Variants in SLC8A1 observed in about 807,000 individuals in gnomAD.
The protein encoded by SLC8A1 is solute carrier family 8 member A1, also known as sodium/calcium exchanger 1.
In SLC8A1, 18 loss-of-function variants were observed where a neutral mutation model predicts 68.3. That is an observed-to-expected ratio of 0.26 (90% CI 0.18 to 0.39). The LOEUF (loss-of-function observed/expected upper bound fraction) is 0.39, where lower values mean the gene tolerates loss of function less well. Among genes scored for constraint, SLC8A1 ranks in the 10% least tolerant of loss-of-function variants. The pLI, the probability that SLC8A1 is intolerant of heterozygous loss-of-function variation, is 1.00. For synonymous variants in SLC8A1, 475 were observed against 415.5 expected (o/e 1.14, Z -1.74); for missense variants, 985 against 1,156.7 (o/e 0.85, Z 2.15).
At chr2:40,140,350 A>G (rs1323852187) in intron 6 of SLC8A1, among the ~76,000 whole-genome samples, 2 of 152,034 alleles carry the variant, frequency 1.3e-5, no homozygotes, top group Non-Finnish European at 2.9e-5. Flanking sequence ...TAATCGCTCC[A>G]CCCTTATCCT....
chr2:40,121,583 C>T (rs1044034654), intron 7 of SLC8A1, among the ~76,000 whole-genome samples: 1 of 152,050 alleles, frequency 6.6e-6, no homozygotes, highest in East Asian at 1.9e-4. Context: ...GGGGGAATTA[C>T]CTAAATTGAT....
chr2:40,274,024 G>A (rs1404860949), intron 2 of SLC8A1, among the ~76,000 whole-genome samples: 2 of 151,662 alleles, frequency 1.3e-5, no homozygotes, highest in Non-Finnish European at 2.9e-5. Context: ...AGCCCCAGCT[G>A]CAGCCTGTCT....
chr2:40,410,279 C>T (rs535826319), intron 2 of SLC8A1, among the ~76,000 whole-genome samples: 1 of 152,114 alleles, frequency 6.6e-6, no homozygotes, highest in Non-Finnish European at 1.5e-5. Flanking sequence ...ACCAGAAATA[C>T]CAGCAAAATC....
intron 2 of SLC8A1, among the ~76,000 whole-genome samples, chr2:40,349,970 T>A (rs1670546195): frequency 6.6e-6 from 1 of 152,150 alleles, no homozygotes; most frequent in African/African-American, 2.4e-5. Context: ...ATGGAAAGTA[T>A]TCATTTCCAG....
intron 1 of SLC8A1, among the ~76,000 whole-genome samples, chr2:40,510,773 G>C (rs934832984): frequency 6.6e-6 from 1 of 151,968 alleles, no homozygotes; most frequent in African/African-American, 2.4e-5. Flanking sequence ...TAGAAATATA[G>C]AAATATGTTA....
At chr2:40,492,132 G>C (rs1234349792) in intron 1 of SLC8A1, among the ~76,000 whole-genome samples, 1 of 151,996 alleles carries the variant, frequency 6.6e-6, no homozygotes, top group Admixed American at 6.6e-5. Context: ...CATGGTACTG[G>C]TACCAAAACA....
intron 1 of SLC8A1, among the ~76,000 whole-genome samples, chr2:40,479,648 T>C (rs1207943981): frequency 6.6e-6 from 1 of 152,184 alleles, no homozygotes; most frequent in Non-Finnish European, 1.5e-5. Context: ...CATGCTCCTA[T>C]CTGTTAAAAT....
intron 1 of SLC8A1, among the ~76,000 whole-genome samples, 163 bp downstream of exon 1, chr2:40,451,738 CACA>C (rs1702543724): frequency 2.2e-3 from 7 of 3,222 alleles, no homozygotes; most frequent in African/African-American, 9.4e-3. Flanking sequence ...CACACCACAT[CACA>C]CACACACACA....
chr2:40,452,629 C>T (rs1702697442), upstream of SLC8A1, among the ~76,000 whole-genome samples: 1 of 152,064 alleles, frequency 6.6e-6, no homozygotes, highest in South Asian at 2.1e-4. Flanking sequence ...CTAAAGGAAG[C>T]TTTCTTTTAG....
chr2:40,116,511 G>A (rs1023594204), intron 7 of SLC8A1, among the ~76,000 whole-genome samples: 6 of 151,348 alleles, frequency 4.0e-5, no homozygotes, highest in African/African-American at 1.5e-4. Flanking sequence ...CCCTTCCTGT[G>A]TCCATGTGAT....
chr2:40,433,726 T>G (rs1014976484), intron 1 of SLC8A1, among the ~76,000 whole-genome samples: 1 of 152,174 alleles, frequency 6.6e-6, no homozygotes, highest in Non-Finnish European at 1.5e-5. Context: ...ACCCAACCCC[T>G]GGTCTTTTTC....
At chr2:40,512,303 C>T (rs537437287) in intron 1 of SLC8A1, 1 of 152,366 alleles carries the variant, frequency 6.6e-6, no homozygotes, top group African/African-American at 2.4e-5. Flanking sequence ...GAAATATTTG[C>T]AAATGATCCT....
chr2:40,228,654 A>G (rs912383125), intron 2 of SLC8A1, among the ~76,000 whole-genome samples: 1 of 152,186 alleles, frequency 6.6e-6, no homozygotes, highest in African/African-American at 2.4e-5. Flanking sequence ...AGTCCTCATT[A>G]AAGGTTTGGG....
chr2:40,110,160 G>C (rs1223218056), exon 8 of SLC8A1: 1 of 152,056 alleles, frequency 6.6e-6, no homozygotes, highest in Non-Finnish European at 1.5e-5. Flanking sequence ...CTTTCCTTTG[G>C]GAGTTCCACC....
At chr2:40,363,170 A>G (rs530048570) in intron 2 of SLC8A1, among the ~76,000 whole-genome samples, 1 of 152,126 alleles carries the variant, frequency 6.6e-6, no homozygotes, top group African/African-American at 2.4e-5. Context: ...TGAGTCTTAT[A>G]ATCATTTTTC....
At chr2:40,314,224 C>A (rs2074131949) in intron 2 of SLC8A1, among the ~76,000 whole-genome samples, 1 of 151,962 alleles carries the variant, frequency 6.6e-6, no homozygotes. Context: ...GCTGCATATA[C>A]AATATTTCGG....
Position 40,415,873 on chromosome 2 carries a change from C to CAG in SLC8A1, c.1808+12599_1808+12600insCT, listed in dbSNP as rs1469815945. ...TACTAAAAGTATACACACACACACA[C>CAG]ACACACACACACACACACACACACA... On this transcript the variant is annotated intron_variant, in intron 2 of 7. Transcript: ENST00000406785. 2.2e-5 allele frequency among the ~76,000 whole-genome samples: 3 copies of CAG among 136,730 alleles called. No individual in the cohort carries two copies. In the East Asian group the frequency reaches 6.5e-4, roughly 30 times the overall value. The allele number at this position is 136,730 out of a possible 152,430, so 89.7% of individuals were successfully genotyped here.
At chr2:40,302,079 T>C (rs2071588248) in intron 2 of SLC8A1, among the ~76,000 whole-genome samples, 1 of 85,876 alleles carries the variant, frequency 1.2e-5, no homozygotes, top group African/African-American at 4.4e-5. Context: ...GTGTGTTTAG[T>C]AGAGAAGGGG....
chr2:40,434,696 C>T (rs1699050288), intron 1 of SLC8A1, among the ~76,000 whole-genome samples: 1 of 152,168 alleles, frequency 6.6e-6, no homozygotes, highest in South Asian at 2.1e-4. Context: ...TCCATTACAT[C>T]ATGAAATGAG....
Sources: gnomAD v4.1 joint callset for allele counts (sites outside exome capture counted in the v4.1 genomes callset) on GRCh38, gnomAD v4.1.1 for gene constraint, MANE v1.5 for transcripts, NCBI Gene and HGNC (gene_info 2026-07-23, HGNC 2026-07-21) for gene names.